ITGA2: variants seen among roughly 807,000 people sequenced by gnomAD.
The protein encoded by ITGA2 is integrin subunit alpha 2, also known as integrin alpha-2.
Under a neutral mutation model 146.3 loss-of-function variants are expected in ITGA2, and 101 were observed. That is an observed-to-expected ratio of 0.69 (90% CI 0.59 to 0.81). The LOEUF is 0.81. Among genes scored for constraint, ITGA2 ranks in the 40% least tolerant of loss-of-function variants. The pLI, the probability that ITGA2 is intolerant of heterozygous loss-of-function variation, is 0.00. For missense variants in ITGA2, 1,281 were observed against 1,402.7 expected (o/e 0.91, Z 1.39); for synonymous variants, 477 against 487.1 (o/e 0.98, Z 0.27).
intron 23 of ITGA2, 27 bp downstream of exon 23, chr5:53,075,331 A>G (rs369563571): frequency 7.4e-5 from 115 of 1,557,024 alleles, no homozygotes; most frequent in Non-Finnish European, 8.9e-5. Context: ...GTAACCTGCT[A>G]TCACTGACAC....
In ITGA2 at chr5:53,058,576, T is replaced by C. The variant is rs146497452; in HGVS notation, c.1173+475T>C. ...GAGGTGGAATTGGAATACAACACTG[T>C]CTTTTCAGCTCGGGGAAGTCTATTT... On this transcript the variant is annotated intron_variant, in intron 10 of 29. Transcript: ENST00000296585. Among the ~76,000 whole-genome samples, 537 of 151,920 alleles carry C rather than the reference T, an allele frequency of 3.5e-3. 5 individuals carry two copies. Among genetic ancestry groups the C allele is most frequent in the African/African-American group, 0.012 (516 of 41,474 alleles).
chr5:53,055,712 G>T, intron 8 of ITGA2, 24 bp downstream of exon 8: 1 of 1,611,810 alleles, frequency 6.2e-7, no homozygotes, highest in South Asian at 1.1e-5. Flanking sequence ...CTTTTCACTT[G>T]TCTTGCCGCT....
chr5:53,065,637 T>C (rs1390550102), intron 14 of ITGA2, among the ~76,000 whole-genome samples: 2 of 151,910 alleles, frequency 1.3e-5, no homozygotes, highest in Non-Finnish European at 2.9e-5. Flanking sequence ...ATTTATGCTG[T>C]CCCTTCGATG....
chr5:53,054,223 A>G (rs1744521799), intron 7 of ITGA2, among the ~76,000 whole-genome samples: 1 of 152,204 alleles, frequency 6.6e-6, no homozygotes, highest in Admixed American at 6.5e-5. Context: ...TCTGATGAAT[A>G]TTAACAAATT....
At chr5:53,006,742 C>T (rs1304243779) in intron 1 of ITGA2, among the ~76,000 whole-genome samples, 1 of 152,196 alleles carries the variant, frequency 6.6e-6, no homozygotes, top group Non-Finnish European at 1.5e-5. Context: ...TTCAGGGGCC[C>T]TCCCTGTGCA....
chr5:53,001,603 G>C (rs1028485886), intron 1 of ITGA2, among the ~76,000 whole-genome samples: 16 of 152,138 alleles, frequency 1.1e-4, no homozygotes, highest in African/African-American at 3.9e-4. Context: ...GGAAAGCCAA[G>C]GCAGAAGGAT....
chr5:53,088,085 A>G (rs1235245235), intron 28 of ITGA2, among the ~76,000 whole-genome samples: 1 of 152,244 alleles, frequency 6.6e-6, no homozygotes, highest in Non-Finnish European at 1.5e-5. Context: ...TGGGGCCTGG[A>G]AAATCAGAAA....
chr5:53,044,845 G>C (rs757664258), intron 3 of ITGA2, among the ~76,000 whole-genome samples, 156 bp from the exon 4 acceptor site: 1 of 152,164 alleles, frequency 6.6e-6, no homozygotes, highest in African/African-American at 2.4e-5. Context: ...TGAAAGCATC[G>C]CGTTTCCCCA....
intron 2 of ITGA2, among the ~76,000 whole-genome samples, chr5:53,041,132 AT>A: frequency 6.6e-6 from 1 of 152,262 alleles, no homozygotes; most frequent in African/African-American, 2.4e-5. Context: ...ATGAAAAAAA[AT>A]GGAAGCAAAT....
At chr5:53,081,137 C>T (rs1157677309) in intron 25 of ITGA2, among the ~76,000 whole-genome samples, 1 of 152,074 alleles carries the variant, frequency 6.6e-6, no homozygotes, top group Non-Finnish European at 1.5e-5. Context: ...CACCCCCACT[C>T]CATCCACACC....
intron 8 of ITGA2, 125 bp downstream of exon 8, chr5:53,055,813 C>CT (rs1001645813): frequency 8.6e-6 from 11 of 1,284,818 alleles, no homozygotes; most frequent in South Asian, 1.2e-5. Context: ...AGTTCTTACT[C>CT]TATCTCTGCT....
chr5:53,003,258 C>A (rs1306170289), intron 1 of ITGA2, among the ~76,000 whole-genome samples: 1 of 152,102 alleles, frequency 6.6e-6, no homozygotes, highest in Non-Finnish European at 1.5e-5. Flanking sequence ...TGGGTCAGAA[C>A]CCTTTAAGGG....
At chr5:53,022,029 C>G (rs554626232) in intron 1 of ITGA2, among the ~76,000 whole-genome samples, 3 of 152,292 alleles carry the variant, frequency 2.0e-5, no homozygotes, top group Admixed American at 6.5e-5. Flanking sequence ...AAGTTAGACC[C>G]TTTTATTTTG....
chr5:53,033,248 A>G (rs532939743), intron 2 of ITGA2, among the ~76,000 whole-genome samples: 57 of 148,544 alleles, frequency 3.8e-4, no homozygotes, highest in African/African-American at 1.4e-3. Flanking sequence ...TAGCCTTGGC[A>G]ACAGAGGGAG....
intron 1 of ITGA2, among the ~76,000 whole-genome samples, chr5:53,013,225 T>A (rs1742230119): frequency 6.6e-6 from 1 of 152,144 alleles, no homozygotes; most frequent in South Asian, 2.1e-4. Flanking sequence ...GTTTTATACT[T>A]TCAGGTTTTG....
intron 9 of ITGA2, among the ~76,000 whole-genome samples, chr5:53,057,021 G>A (rs575249559): frequency 6.6e-5 from 10 of 151,814 alleles, no homozygotes; most frequent in Non-Finnish European, 1.0e-4. Context: ...TACCCAAAAA[G>A]CATTATTGCT....
intron 16 of ITGA2, 97 bp from the exon 17 acceptor site, chr5:53,070,012 G>GT (rs1388470432): frequency 1.0e-6 from 1 of 958,324 alleles, no homozygotes; most frequent in Non-Finnish European, 1.7e-6. Context: ...TTTTCTTGAT[G>GT]TGAGATACTT....
At chr5:53,071,114 A>G (rs1745373516) in intron 17 of ITGA2, among the ~76,000 whole-genome samples, 4 of 151,946 alleles carry the variant, frequency 2.6e-5, no homozygotes, top group Admixed American at 2.6e-4. Flanking sequence ...TGCTAAGTGT[A>G]AACACTAGAA....
chr5:53,090,429 G>A, intron 29 of ITGA2, 90 bp from the exon 30 acceptor site: 1 of 996,840 alleles, frequency 1.0e-6, no homozygotes, highest in East Asian at 2.4e-5. Flanking sequence ...TCCCAGAGGT[G>A]CATCAGAGGA....
Sources: allele counts gnomAD v4.1 joint callset (sites outside exome capture counted in the v4.1 genomes callset), GRCh38; gene constraint gnomAD v4.1.1; transcripts MANE v1.5; gene names NCBI Gene and HGNC (gene_info 2026-07-23, HGNC 2026-07-21).